The following RHOA variants were observed in gnomAD, a reference collection of about 807,000 sequenced individuals.
RHOA encodes ras homolog family member A, also known as transforming protein RhoA.
Under a neutral mutation model 17.5 loss-of-function variants are expected in RHOA, and 3 were observed. The ratio of observed to expected loss-of-function variants is 0.17; its 90% CI spans 0.08 to 0.44. The LOEUF (loss-of-function observed/expected upper bound fraction) is 0.44, where lower values mean the gene tolerates loss of function less well. Among genes scored for constraint, RHOA ranks in the 20% least tolerant of loss-of-function variants. The pLI is 0.99. For missense variants in RHOA, 56 were observed against 242.3 expected, an observed-to-expected ratio of 0.23 and a Z score of 5.10; for synonymous variants, 98 against 88.4, an observed-to-expected ratio of 1.11 and a Z score of -0.61.
At chr3:49,410,994 T>TA (rs1191237549) in intron 1 of RHOA, among the ~76,000 whole-genome samples, 3 of 152,256 alleles carry the variant, frequency 2.0e-5, no homozygotes, top group Non-Finnish European at 2.9e-5. Context: ...CGAATAGCGC[T>TA]ATTCAATGAA....
intron 1 of RHOA, among the ~76,000 whole-genome samples, chr3:49,404,458 A>AC (rs10527314): frequency 2.6e-4 from 38 of 146,786 alleles, no homozygotes; most frequent in Non-Finnish European, 4.5e-4. Context: ...ACACACACAC[A>AC]AAATTAGCCG....
intron 1 of RHOA, among the ~76,000 whole-genome samples, chr3:49,401,663 T>C (rs1334514119): frequency 6.6e-6 from 1 of 152,040 alleles, no homozygotes; most frequent in Non-Finnish European, 1.5e-5. Context: ...CAAACTACCA[T>C]CCATCCATCT....
At chr3:49,399,054 C>CAAA (rs10530558) in intron 1 of RHOA, among the ~76,000 whole-genome samples, 423 of 24,840 alleles carry the variant, frequency 0.017, 85 homozygotes, top group Non-Finnish European at 0.021. Flanking sequence ...GACTCCGTCT[C>CAAA]AAAAAAAAAA....
At chr3:49,408,269 C>T (rs201969071) in intron 1 of RHOA, among the ~76,000 whole-genome samples, 1 of 52,764 alleles carries the variant, frequency 1.9e-5, no homozygotes, top group African/African-American at 5.1e-5. Context: ...TACGTATACA[C>T]GTATATACGT....
At chr3:49,367,842 C>A (rs527500735) in intron 3 of RHOA, among the ~76,000 whole-genome samples, 6 of 151,772 alleles carry the variant, frequency 4.0e-5, no homozygotes, top group Non-Finnish European at 7.4e-5. Context: ...ATCTTTGTAT[C>A]TGGAATTCAT....
chr3:49,410,812 A>G (rs1427181386), intron 1 of RHOA, among the ~76,000 whole-genome samples: 2 of 152,254 alleles, frequency 1.3e-5, no homozygotes. Flanking sequence ...CACACCTGCA[A>G]GAAACGTTTA....
chr3:49,372,327 T>C (rs1258074363), intron 2 of RHOA, among the ~76,000 whole-genome samples: 3 of 152,184 alleles, frequency 2.0e-5, no homozygotes, highest in African/African-American at 7.2e-5. Flanking sequence ...CATCCCAAAA[T>C]TCTGTTAGGC....
In RHOA at chr3:49,359,916, CTCT is replaced by C. The variant is rs2047932554; in HGVS notation, c.*290_*292del. ...AATTCACAAAAGTTACCAACTGTTT[CTCT>C]TTCTAGAAAGAAGCAAGAAGTTAAG... is the stretch of plus-strand genomic sequence containing the variant. On this transcript the variant is annotated 3_prime_UTR_variant, in exon 5 of 5. Coordinates refer to ENST00000418115, the MANE Select transcript of RHOA (RefSeq NM_001664.4). 2.8e-6 allele frequency: 1 copy of C among 355,664 alleles called. No homozygotes were observed. The highest frequency in any genetic ancestry group is 4.5e-5 in the Admixed American group (1 of 22,374). The allele number at this position is 355,664 out of a possible 1,614,324, so 22.0% of individuals were successfully genotyped here. A position where few individuals can be genotyped will look rare whatever the true frequency, so the allele number is the denominator to read the frequency against.
chr3:49,395,310 G>A (rs1339731692), intron 1 of RHOA, among the ~76,000 whole-genome samples: 1 of 152,010 alleles, frequency 6.6e-6, no homozygotes, highest in East Asian at 1.9e-4. Flanking sequence ...AAGATGGGGC[G>A]ATGGTTAGAC....
At position 49,388,848 on chromosome 3, in the gene RHOA, A is replaced by G. The variant is rs941625031; in HGVS notation, c.-2-13257T>C. Among the ~76,000 whole-genome samples, 8 of 152,198 alleles carry G rather than the reference A, an allele frequency of 5.3e-5. 1 individual carries two copies. Among genetic ancestry groups the G allele is most frequent in the Admixed American group, 4.6e-4 (7 of 15,276 alleles). On this transcript the variant is annotated intron_variant, in intron 1 of 4. Transcript: ENST00000418115. ...AACAAAACAATCCTATCTAAGCTAC[A>G]TATCTAACCATGTGTTATAGCCATA...
At chr3:49,381,889 A>G (rs988532725) in intron 1 of RHOA, among the ~76,000 whole-genome samples, 1 of 151,618 alleles carries the variant, frequency 6.6e-6, no homozygotes, top group Non-Finnish European at 1.5e-5. Flanking sequence ...ACAGAGAGTG[A>G]AGTTCCCCAG....
At chr3:49,407,672 T>C (rs1298308394) in intron 1 of RHOA, among the ~76,000 whole-genome samples, 1 of 152,132 alleles carries the variant, frequency 6.6e-6, no homozygotes, top group African/African-American at 2.4e-5. Flanking sequence ...CTAAAGAATA[T>C]CTAAATGACT....
At chr3:49,360,704 C>T (rs533696408) in intron 4 of RHOA, among the ~76,000 whole-genome samples, 1 of 151,968 alleles carries the variant, frequency 6.6e-6, no homozygotes, top group African/African-American at 2.4e-5. Flanking sequence ...AGTGATCTGC[C>T]CACCTCGGCC....
At chr3:49,393,468 G>C (rs2048545739) in intron 1 of RHOA, among the ~76,000 whole-genome samples, 1 of 151,964 alleles carries the variant, frequency 6.6e-6, no homozygotes, top group African/African-American at 2.4e-5. Context: ...CACCACGTTT[G>C]GCTAATTGCT....
chr3:49,362,634 A>G lies in RHOA; in HGVS notation c.278-8T>C. 1 of 1,606,896 alleles carries G rather than the reference A, an allele frequency of 6.2e-7. No individual in the cohort carries two copies. Among genetic ancestry groups the G allele is most frequent in the Non-Finnish European group, 8.5e-7 (1 of 1,176,434 alleles). ...ACTTTTCTGGGATGTTTTCTGAAAG[A>G]AAAATGTAGAGAATTTGGGGATACA... On this transcript the variant is annotated splice_region_variant and splice_polypyrimidine_tract_variant and intron_variant, in intron 3 of 4. Transcript: ENST00000418115.
chr3:49,369,544 G>A (rs1171413798), intron 2 of RHOA, among the ~76,000 whole-genome samples: 1 of 146,340 alleles, frequency 6.8e-6, no homozygotes, highest in Non-Finnish European at 1.5e-5. Context: ...ACCAGCCTGG[G>A]CAACATGGTG....
intron 3 of RHOA, among the ~76,000 whole-genome samples, chr3:49,367,511 T>C (rs1490522871): frequency 6.6e-6 from 1 of 151,930 alleles, no homozygotes; most frequent in East Asian, 1.9e-4. Context: ...CCAAAAGAGA[T>C]GGCTTTACAT....
chr3:49,385,018 G>T (rs902234581), intron 1 of RHOA, among the ~76,000 whole-genome samples: 1 of 149,394 alleles, frequency 6.7e-6, no homozygotes, highest in African/African-American at 2.5e-5. Context: ...AGCTGAGATG[G>T]CACCACTGCA....
chr3:49,409,492 T>C (rs1410591274), intron 1 of RHOA, among the ~76,000 whole-genome samples: 4 of 152,144 alleles, frequency 2.6e-5, no homozygotes, highest in African/African-American at 9.7e-5. Context: ...CACAATGCAA[T>C]TAAACCCAAG....
Sources: allele counts gnomAD v4.1 joint callset (sites outside exome capture counted in the v4.1 genomes callset), GRCh38; gene constraint gnomAD v4.1.1; transcripts MANE v1.5; gene names NCBI Gene and HGNC (gene_info 2026-07-23, HGNC 2026-07-21).